GARRE1: variants seen among roughly 807,000 people sequenced by gnomAD.
The protein encoded by GARRE1 is granule associated Rac and RHOG effector 1, also known as granule associated Rac and RHOG effector protein 1.
GARRE1 carries 49 observed loss-of-function variants against 103.2 expected under a neutral mutation model. The ratio of observed to expected loss-of-function variants is 0.47; its 90% CI spans 0.38 to 0.60. The LOEUF (loss-of-function observed/expected upper bound fraction) is 0.60. Among genes scored for constraint, GARRE1 ranks in the 20% least tolerant of loss-of-function variants. The pLI is 0.00. For synonymous variants in GARRE1, 505 were observed against 532.8 expected, an observed-to-expected ratio of 0.95 and a Z score of 0.72; for missense variants, 1,199 against 1,370.5, an observed-to-expected ratio of 0.87 and a Z score of 1.98.
intron 1 of GARRE1, among the ~76,000 whole-genome samples, chr19:34,294,009 G>C (rs1157621173): frequency 6.6e-6 from 1 of 151,804 alleles, no homozygotes; most frequent in African/African-American, 2.4e-5. Flanking sequence ...TGATCCATCT[G>C]CCTCAGCCTC....
At chr19:34,334,146 A>G (rs1019040121) in intron 8 of GARRE1, among the ~76,000 whole-genome samples, 2 of 152,238 alleles carry the variant, frequency 1.3e-5, no homozygotes, top group South Asian at 2.1e-4. Flanking sequence ...ACTAAAGCCC[A>G]GTAGAGAACA....
intron 1 of GARRE1, among the ~76,000 whole-genome samples, chr19:34,286,909 GA>G (rs1228997969): frequency 2.6e-5 from 4 of 152,018 alleles, no homozygotes; most frequent in African/African-American, 9.7e-5. Context: ...ATTTTCAGTG[GA>G]CCCCCAGTTT....
chr19:34,292,050 CG>C (rs1407520213), intron 1 of GARRE1, among the ~76,000 whole-genome samples: 1 of 151,950 alleles, frequency 6.6e-6, no homozygotes, highest in Non-Finnish European at 1.5e-5. Context: ...TTAGTAGAGA[CG>C]GGGTTTTACC....
At chr19:34,315,943 G>A (rs563578590) in intron 2 of GARRE1, among the ~76,000 whole-genome samples, 324 of 152,228 alleles carry the variant, frequency 2.1e-3, no homozygotes, top group African/African-American at 7.4e-3. Flanking sequence ...TAGAAAACAG[G>A]CTCTCATTCA....
At position 34,355,282 on chromosome 19, in the gene GARRE1, T is replaced by A. The variant is rs1256495490; in HGVS notation, c.*2327T>A. 2 of 152,706 alleles carry A rather than the reference T, an allele frequency of 1.3e-5. No individual in the cohort carries two copies. Among genetic ancestry groups the A allele is most frequent in the African/African-American group, 4.8e-5 (2 of 41,472 alleles). The allele number at this position is 152,706 out of a possible 1,614,324, so 9.5% of individuals were successfully genotyped here. Reference sequence around the variant, plus strand: ...CTGTGAGACTGTGTGAAGCCGTTTGTGTGGTCTCCATGTAGGTGCTGTGTT... The same window carrying A: ...CTGTGAGACTGTGTGAAGCCGTTTGAGTGGTCTCCATGTAGGTGCTGTGTT... On this transcript the variant is annotated 3_prime_UTR_variant, in exon 14 of 14. Transcript: ENST00000299505.
intron 2 of GARRE1, among the ~76,000 whole-genome samples, chr19:34,304,660 T>G (rs900925149): frequency 3.3e-5 from 5 of 152,080 alleles, no homozygotes; most frequent in African/African-American, 1.2e-4. Flanking sequence ...TTACAGAGGT[T>G]AGCCACCACG....
At chr19:34,262,906 C>T (rs1340620991) in intron 1 of GARRE1, among the ~76,000 whole-genome samples, 3 of 152,022 alleles carry the variant, frequency 2.0e-5, no homozygotes, top group African/African-American at 7.2e-5. Flanking sequence ...GTAATATGAG[C>T]TCATTTGTTT....
chr19:34,327,645 A>C, intron 4 of GARRE1, 84 bp downstream of exon 4: 1 of 1,524,488 alleles, frequency 6.6e-7, no homozygotes, highest in Non-Finnish European at 9.1e-7. Flanking sequence ...AATCAATTAG[A>C]AAGGGTTATA....
In GARRE1 at chr19:34,342,291, C is replaced by G. The variant is rs1475469255; in HGVS notation, c.2357C>G (p.Ser786Cys). The change falls in exon 10 of 14, where the codon TCT becomes TGT. Residue 786 changes from serine to cysteine, a missense_variant. Ser to Cys is a moderately radical substitution (Grantham distance 112). Coordinates refer to ENST00000299505, the MANE Select transcript of GARRE1 (RefSeq NM_014686.5). ...TGGCCTGGCATATCTGATCTCAGTTCTGACTTGTACAGCTTGGGTCTGGTG... is the reference window on the plus strand; with the variant it reads ...TGGCCTGGCATATCTGATCTCAGTTGTGACTTGTACAGCTTGGGTCTGGTG... ...GQWPGISDLS[S>C]DLYSLGLVSS... is the part of the protein sequence containing the mutation. 1.2e-6 allele frequency: 2 copies of G among 1,614,080 alleles called. No homozygotes were observed. The highest frequency in any genetic ancestry group is 2.2e-5 in the East Asian group (1 of 44,888).
At chr19:34,319,861 A>G (rs377331973) in intron 2 of GARRE1, 46 bp from the exon 3 acceptor site, 33 of 1,563,194 alleles carry the variant, frequency 2.1e-5, no homozygotes, top group African/African-American at 5.4e-5. Context: ...CGCGAATCCA[A>G]CAGCAACCCA....
Position 34,300,448 on chromosome 19 carries a change from G to GT in GARRE1, c.-24dup. 1 of 1,525,406 alleles carries GT rather than the reference G, an allele frequency of 6.6e-7. No individual in the cohort carries two copies. Among genetic ancestry groups the GT allele is most frequent in the South Asian group, 1.3e-5 (1 of 77,852 alleles). 94.5% of individuals were successfully genotyped at this position (1,525,406 alleles called of 1,614,324 possible). A position where few individuals can be genotyped will look rare whatever the true frequency, so the allele number is the denominator to read the frequency against. On this transcript the variant is annotated 5_prime_UTR_variant, in exon 2 of 14. Coordinates refer to ENST00000299505, the MANE Select transcript of GARRE1 (RefSeq NM_014686.5). Reference sequence around the variant, plus strand: ...GAATCAGAACCCTGACCCACTTACGGTTGCTGGGACAATTCCCCCTCCCGC... The same window carrying GT: ...GAATCAGAACCCTGACCCACTTACGGTTTGCTGGGACAATTCCCCCTCCCGC...
intron 1 of GARRE1, among the ~76,000 whole-genome samples, chr19:34,286,022 G>A (rs755535564): frequency 2.6e-5 from 4 of 152,094 alleles, no homozygotes; most frequent in Non-Finnish European, 4.4e-5. Flanking sequence ...TGTGTAACCA[G>A]CCCCTTGGTT....
chr19:34,320,774 T>C (rs1346132333), intron 3 of GARRE1, among the ~76,000 whole-genome samples: 1 of 151,184 alleles, frequency 6.6e-6, no homozygotes, highest in African/African-American at 2.4e-5. Flanking sequence ...CAGGCTGAAG[T>C]GCAGTGCTGC....
chr19:34,325,909 C>T (rs1050400584), intron 3 of GARRE1, among the ~76,000 whole-genome samples: 2 of 152,184 alleles, frequency 1.3e-5, no homozygotes, highest in Non-Finnish European at 2.9e-5. Flanking sequence ...ATTCCATTCA[C>T]GACCTTCTCC....
intron 7 of GARRE1, 74 bp downstream of exon 7, chr19:34,330,421 A>G: frequency 6.9e-7 from 1 of 1,441,850 alleles, no homozygotes; most frequent in Non-Finnish European, 9.6e-7. Context: ...TGGTGCAGAC[A>G]CATGTGTGAA....
At chr19:34,256,571 A>AT (rs1321492063) in intron 1 of GARRE1, among the ~76,000 whole-genome samples, 2 of 151,096 alleles carry the variant, frequency 1.3e-5, no homozygotes, top group Non-Finnish European at 3.0e-5. Context: ...TCATGGTTTT[A>AT]TTTTTTTGCC....
At chr19:34,260,791 T>G (rs1360768694) in intron 1 of GARRE1, among the ~76,000 whole-genome samples, 1 of 152,226 alleles carries the variant, frequency 6.6e-6, no homozygotes, top group Non-Finnish European at 1.5e-5. Flanking sequence ...GGGAAAACTT[T>G]AAATTCAACC....
At chr19:34,344,070 A>G (rs2074199183) in intron 10 of GARRE1, among the ~76,000 whole-genome samples, 1 of 152,166 alleles carries the variant, frequency 6.6e-6, no homozygotes, top group South Asian at 2.1e-4. Flanking sequence ...AAAATGATAA[A>G]TTAAGCAGCA....
chr19:34,296,219 G>A (rs1031788358), intron 1 of GARRE1: 3 of 551,850 alleles, frequency 5.4e-6, no homozygotes, highest in Non-Finnish European at 9.7e-6. Context: ...CCATGCAGAC[G>A]GCAGCCCGAG....
Sources: allele counts gnomAD v4.1 joint callset (sites outside exome capture counted in the v4.1 genomes callset), GRCh38; gene constraint gnomAD v4.1.1; transcripts MANE v1.5; gene names NCBI Gene and HGNC (gene_info 2026-07-23, HGNC 2026-07-21).